The following CDC14B variants were observed in gnomAD, a reference collection of about 807,000 sequenced individuals.
CDC14B encodes the protein dual specificity protein phosphatase CDC14B.
Under a neutral mutation model 64.2 loss-of-function variants are expected in CDC14B, and 22 were observed. The observed-to-expected ratio is 0.34, with a 90% CI of 0.24 to 0.49. The LOEUF is 0.49. Ranked by LOEUF, CDC14B falls within the 20% of genes least tolerant of loss-of-function variation. CDC14B has a pLI of 0.99. For missense variants in CDC14B, 498 were observed against 629.9 expected (o/e 0.79, Z 2.24); for synonymous variants, 191 against 215.8 (o/e 0.89, Z 1.01).
intron 12 of CDC14B, among the ~76,000 whole-genome samples, chr9:96,519,610 A>T (rs995846229): frequency 5.3e-5 from 8 of 151,760 alleles, no homozygotes; most frequent in Non-Finnish European, 8.8e-5. Context: ...GGTGGTGCAT[A>T]ATCCCAGATA....
At chr9:96,609,022 G>A (rs1281042859) in intron 1 of CDC14B, among the ~76,000 whole-genome samples, 1 of 151,996 alleles carries the variant, frequency 6.6e-6, no homozygotes, top group Non-Finnish European at 1.5e-5. Context: ...ACCCAGGCTG[G>A]AGTGCAGTGG....
At chr9:96,596,025 T>C (rs1323799987) in intron 1 of CDC14B, among the ~76,000 whole-genome samples, 2 of 152,122 alleles carry the variant, frequency 1.3e-5, no homozygotes, top group Non-Finnish European at 2.9e-5. Context: ...TTTAAGTTGG[T>C]GAACTGCATG....
chr9:96,609,007 C>T (rs1020589578), intron 1 of CDC14B, among the ~76,000 whole-genome samples: 1 of 152,108 alleles, frequency 6.6e-6, no homozygotes, highest in Non-Finnish European at 1.5e-5. Context: ...GAGTCTCACT[C>T]TTTCACCCAG....
intron 1 of CDC14B, among the ~76,000 whole-genome samples, chr9:96,611,029 G>T: frequency 6.7e-6 from 1 of 149,292 alleles, no homozygotes; most frequent in African/African-American, 2.5e-5. Context: ...TCATATAAAA[G>T]AACTGCAAAG....
At chr9:96,546,334 T>C (rs575939469) in intron 5 of CDC14B, among the ~76,000 whole-genome samples, 1 of 151,952 alleles carries the variant, frequency 6.6e-6, no homozygotes, top group Non-Finnish European at 1.5e-5. Flanking sequence ...AATATCAAGT[T>C]CAAAGGCAAG....
intron 12 of CDC14B, among the ~76,000 whole-genome samples, chr9:96,513,783 T>C (rs1835239558): frequency 6.6e-6 from 1 of 152,192 alleles, no homozygotes; most frequent in African/African-American, 2.4e-5. Flanking sequence ...CAGAGAAGGC[T>C]TTCCCACTAT....
intron 7 of CDC14B, among the ~76,000 whole-genome samples, chr9:96,536,104 G>GA (rs1341331994): frequency 6.6e-6 from 1 of 152,138 alleles, no homozygotes; most frequent in Non-Finnish European, 1.5e-5. Context: ...GCTGAAATAG[G>GA]AAAAAATGGG....
chr9:96,564,071 T>G (rs1843597797), intron 3 of CDC14B, among the ~76,000 whole-genome samples: 1 of 152,216 alleles, frequency 6.6e-6, no homozygotes, highest in Non-Finnish European at 1.5e-5. Flanking sequence ...TTAAATTTTT[T>G]TTTTAAGTGC....
intron 1 of CDC14B, among the ~76,000 whole-genome samples, chr9:96,606,620 G>A (rs1241297715): frequency 6.6e-6 from 1 of 151,076 alleles, no homozygotes; most frequent in Non-Finnish European, 1.5e-5. Context: ...AGGCTGGAGT[G>A]CAATGGTGTG....
chr9:96,603,885 G>A (rs1331186743), intron 1 of CDC14B, among the ~76,000 whole-genome samples: 2 of 152,182 alleles, frequency 1.3e-5, no homozygotes, highest in African/African-American at 2.4e-5. Context: ...GCCTAGCTTC[G>A]TGTAAGCATG....
intron 1 of CDC14B, among the ~76,000 whole-genome samples, chr9:96,597,408 C>T (rs563889368): frequency 3.3e-5 from 5 of 151,460 alleles, no homozygotes; most frequent in African/African-American, 7.3e-5. Flanking sequence ...GCAGGAGAAA[C>T]GCTTGAACCC....
chr9:96,556,539 C>A (rs1291801230), intron 4 of CDC14B, among the ~76,000 whole-genome samples: 1 of 151,878 alleles, frequency 6.6e-6, no homozygotes, highest in African/African-American at 2.4e-5. Context: ...TTAAAAAAAA[C>A]CTCAGATGAA....
intron 1 of CDC14B, among the ~76,000 whole-genome samples, chr9:96,588,248 T>C (rs1167221615): frequency 6.6e-6 from 1 of 152,144 alleles, no homozygotes; most frequent in African/African-American, 2.4e-5. Flanking sequence ...AGGAGTGTGC[T>C]GCTTTTACTT....
At chr9:96,601,351 G>A (rs867459085) in intron 1 of CDC14B, among the ~76,000 whole-genome samples, 1 of 152,160 alleles carries the variant, frequency 6.6e-6, no homozygotes, top group Middle Eastern at 3.4e-3. Flanking sequence ...AGAAAAATTA[G>A]TTGGGCATGG....
At chr9:96,510,269 G>A (rs751695808) in intron 12 of CDC14B, among the ~76,000 whole-genome samples, 28 of 152,090 alleles carry the variant, frequency 1.8e-4, no homozygotes, top group Non-Finnish European at 2.4e-4. Flanking sequence ...TTTATATAAC[G>A]TTTCAAAATT....
intron 12 of CDC14B, chr9:96,514,910 A>C (rs1835423015): frequency 1.0e-6 from 1 of 985,332 alleles, no homozygotes. Context: ...GAGAATACAG[A>C]TTTGCTGCTA....
At chr9:96,556,228 A>G (rs1842487920) in intron 4 of CDC14B, among the ~76,000 whole-genome samples, 1 of 152,192 alleles carries the variant, frequency 6.6e-6, no homozygotes. Flanking sequence ...AGCCTGAGTA[A>G]CCAGGAAATC....
At chr9:96,617,438 C>T (rs929130081) in intron 1 of CDC14B, among the ~76,000 whole-genome samples, 2 of 152,020 alleles carry the variant, frequency 1.3e-5, no homozygotes, top group Admixed American at 6.6e-5. Context: ...TCTACATAAA[C>T]ATTTAAATCC....
rs1835515087 is a variant in CDC14B, at chr9:96,515,540, T to C, written c.1344-5751A>G. The C allele has an allele frequency of 5.3e-6, 6 of 1,130,298 alleles. No individual in the cohort carries two copies. The highest frequency in any genetic ancestry group is 2.7e-5 in the East Asian group (1 of 36,772). The allele number at this position is 1,130,298 out of a possible 1,614,324, so 70.0% of individuals were successfully genotyped here. A position where few individuals can be genotyped will look rare whatever the true frequency, so the allele number is the denominator to read the frequency against. Reference sequence around the variant, plus strand: ...GATTCAGAAAAAGAACCTTTGAAAATAGGCAAACCAACAAAGCTAGGAGCT... The same window carrying C: ...GATTCAGAAAAAGAACCTTTGAAAACAGGCAAACCAACAAAGCTAGGAGCT... On this transcript the variant is annotated intron_variant, in intron 12 of 13. Coordinates refer to ENST00000375241, the MANE Select transcript of CDC14B (RefSeq NM_033331.4). This position sits in a 1 kb window ranked among gnomAD's most constrained non-coding sequence, Gnocchi z 4.3.
Sources: gnomAD v4.1 joint callset for allele counts (sites outside exome capture counted in the v4.1 genomes callset) on GRCh38, gnomAD v4.1.1 for gene constraint, Gnocchi (gnomAD v3.1) non-coding constraint, MANE v1.5 for transcripts, NCBI Gene and HGNC (gene_info 2026-07-23, HGNC 2026-07-21) for gene names.